The following SNX18 variants were observed in gnomAD, a reference collection of about 807,000 sequenced individuals.
SNX18 encodes sorting nexin 18.
A neutral mutation model predicts 48.7 loss-of-function variants in SNX18; 35 were observed. That is an observed-to-expected ratio of 0.72 (90% CI 0.55 to 0.95). SNX18 has a LOEUF of 0.95. SNX18 is among the 40% of genes least tolerant of loss of function. The pLI, the probability that SNX18 is intolerant of heterozygous loss-of-function variation, is 0.00. For synonymous variants in SNX18, 492 were observed against 384.7 expected, an observed-to-expected ratio of 1.28 and a Z score of -3.26; for missense variants, 824 against 871.0, an observed-to-expected ratio of 0.95 and a Z score of 0.68.
At chr5:54,625,017 A>G in the SNX18 span, among the ~76,000 whole-genome samples, 2 of 152,302 alleles carry the variant, frequency 1.3e-5, no homozygotes, top group South Asian at 2.1e-4. Flanking sequence ...CAGAAGAGTG[A>G]GCAATTTCCT....
At chr5:54,561,168 A>G in the SNX18 span, among the ~76,000 whole-genome samples, 1 of 151,954 alleles carries the variant, frequency 6.6e-6, no homozygotes, top group Non-Finnish European at 1.5e-5. Flanking sequence ...TCAGCCTCCC[A>G]AGTAGCTGGG....
At chr5:54,583,192 G>T in the SNX18 span, among the ~76,000 whole-genome samples, 1 of 152,144 alleles carries the variant, frequency 6.6e-6, no homozygotes, top group Non-Finnish European at 1.5e-5. Flanking sequence ...TCTCAGGCTG[G>T]TCTTGAACTC....
At chr5:54,542,549 GTTTAC>G in intron 1 of SNX18, among the ~76,000 whole-genome samples, 1 of 152,332 alleles carries the variant, frequency 6.6e-6, no homozygotes, top group South Asian at 2.1e-4. Flanking sequence ...TCAGCTAGGT[GTTTAC>G]TCTGGATGAC....
chr5:54,560,754 T>C, the SNX18 span, among the ~76,000 whole-genome samples: 1 of 152,156 alleles, frequency 6.6e-6, no homozygotes, highest in Admixed American at 6.5e-5. Flanking sequence ...TGGACTTATA[T>C]TCCTATTTTG....
the SNX18 span, among the ~76,000 whole-genome samples, chr5:54,591,699 T>C: frequency 0.17 from 25,836 of 152,256 alleles, 2,381 homozygotes; most frequent in East Asian, 0.23. Context: ...GGTGTAACCA[T>C]GTGACTTGCA....
At chr5:54,565,249 A>G in the SNX18 span, among the ~76,000 whole-genome samples, 1 of 152,212 alleles carries the variant, frequency 6.6e-6, no homozygotes, top group Non-Finnish European at 1.5e-5. Context: ...TTGGGGGACC[A>G]TTATTCTGCC....
chr5:54,525,937 C>T (rs1341308974), intron 1 of SNX18, among the ~76,000 whole-genome samples: 1 of 152,158 alleles, frequency 6.6e-6, no homozygotes, highest in Non-Finnish European at 1.5e-5. Context: ...TTCAGATCAG[C>T]AATCACGCAT....
At chr5:54,604,350 A>G in the SNX18 span, among the ~76,000 whole-genome samples, 1 of 152,246 alleles carries the variant, frequency 6.6e-6, no homozygotes, top group Non-Finnish European at 1.5e-5. Flanking sequence ...TATAGCCAAA[A>G]GGTGGGAACA....
At chr5:54,534,590 G>A (rs1322828249) in intron 1 of SNX18, among the ~76,000 whole-genome samples, 1 of 149,416 alleles carries the variant, frequency 6.7e-6, no homozygotes, top group African/African-American at 2.4e-5. Flanking sequence ...TTTTCCCCCT[G>A]TCTCACTTTG....
chr5:54,562,829 T>A, the SNX18 span, among the ~76,000 whole-genome samples: 1 of 152,204 alleles, frequency 6.6e-6, no homozygotes, highest in Non-Finnish European at 1.5e-5. Flanking sequence ...GGCATTGTTA[T>A]CACAGGAGAT....
chr5:54,543,410 T>G lies in SNX18; in HGVS notation c.1853T>G (p.Leu618Arg). ...GTTACCCAGAAGTTGGAAGAAGCTC[T>G]TCACAAATATGATAGTGTTTAATGA... is the stretch of plus-strand genomic sequence containing the variant. The part of the protein sequence containing the change: ...QKVTQKLEEA[L>R]HKYDSV Residue 618 changes from leucine (L) to arginine (R), a missense_variant, in exon 2 of 2, where the codon CTT (leucine) becomes CGT (arginine). Physicochemically the swap from Leu to Arg is moderately radical, Grantham distance 102. Around this residue, in one of 3 missense-constraint regions of SNX18, gnomAD observed 443 missense variants for 503.6 expected, o/e 0.88. Coordinates refer to ENST00000381410, the MANE Select transcript of SNX18 (RefSeq NM_001102575.2). 6.2e-7 allele frequency: 1 copy of G among 1,614,160 alleles called. No individual in the cohort carries two copies. Among genetic ancestry groups the G allele is most frequent in the Non-Finnish European group, 8.5e-7 (1 of 1,180,006 alleles).
At chr5:54,629,403 T>A in the SNX18 span, among the ~76,000 whole-genome samples, 1 of 152,222 alleles carries the variant, frequency 6.6e-6, no homozygotes, top group African/African-American at 2.4e-5. Flanking sequence ...CAAATACACA[T>A]TTCAGTTTCC....
At chr5:54,567,106 T>G in the SNX18 span, among the ~76,000 whole-genome samples, 1 of 152,196 alleles carries the variant, frequency 6.6e-6, no homozygotes, top group Non-Finnish European at 1.5e-5. Context: ...ATCAAATTTG[T>G]GTTATTACAA....
chr5:54,554,903 C>T, the SNX18 span, among the ~76,000 whole-genome samples: 43,623 of 152,004 alleles, frequency 0.29, 6,950 homozygotes, highest in East Asian at 0.36. Flanking sequence ...TCCTTAAGCC[C>T]TCCTCCAAAA....
At chr5:54,619,045 ATAAT>A in the SNX18 span, among the ~76,000 whole-genome samples, 1 of 152,226 alleles carries the variant, frequency 6.6e-6, no homozygotes, top group Non-Finnish European at 1.5e-5. Flanking sequence ...AGCAGTAAAA[ATAAT>A]TAGGCATAGA....
At chr5:54,629,194 T>G in the SNX18 span, among the ~76,000 whole-genome samples, 1 of 152,190 alleles carries the variant, frequency 6.6e-6, no homozygotes, top group Non-Finnish European at 1.5e-5. Context: ...CGGGAAAGTC[T>G]CCTGATATCT....
chr5:54,542,653 A>T (rs1446200256), intron 1 of SNX18, among the ~76,000 whole-genome samples: 1 of 152,236 alleles, frequency 6.6e-6, no homozygotes. Context: ...CTGTGACATG[A>T]TTCCAAAACA....
the SNX18 span, among the ~76,000 whole-genome samples, chr5:54,558,457 A>C: frequency 6.6e-6 from 1 of 152,168 alleles, no homozygotes; most frequent in South Asian, 2.1e-4. Flanking sequence ...GAGCAGTACA[A>C]CCCATGTTGA....
At chr5:54,578,705 G>A in the SNX18 span, among the ~76,000 whole-genome samples, 1 of 152,180 alleles carries the variant, frequency 6.6e-6, no homozygotes, top group African/African-American at 2.4e-5. Context: ...CTTTCTTGTT[G>A]TCTGCATGAG....
Sources: gnomAD v4.1 joint callset for allele counts (sites outside exome capture counted in the v4.1 genomes callset) on GRCh38, gnomAD v4.1.1 for gene constraint, gnomAD v4.1.1 regional missense constraint, MANE v1.5 for transcripts, NCBI Gene and HGNC (gene_info 2026-07-23, HGNC 2026-07-21) for gene names.